Variants in FAM151B observed in about 807,000 individuals in gnomAD.
FAM151B encodes family with sequence similarity 151 member B.
FAM151B carries 24 observed loss-of-function variants against 31.2 expected under a neutral mutation model. That is an observed-to-expected ratio of 0.77 (90% CI 0.56 to 1.08). The LOEUF is 1.08. Among genes scored for constraint, FAM151B ranks in the 50% least tolerant of loss-of-function variants. FAM151B has a pLI of 0.00. For synonymous variants in FAM151B, 105 were observed against 111.4 expected, an observed-to-expected ratio of 0.94 and a Z score of 0.36; for missense variants, 293 against 328.6, an observed-to-expected ratio of 0.89 and a Z score of 0.84.
At chr5:80,536,511 A>G (rs552692509) in intron 5 of FAM151B, among the ~76,000 whole-genome samples, 1 of 152,182 alleles carries the variant, frequency 6.6e-6, no homozygotes, top group East Asian at 1.9e-4. Flanking sequence ...CTATACATAG[A>G]GCTATCATAT....
chr5:80,541,549 T>C (rs1745891771), intron 5 of FAM151B, 124 bp from the exon 6 acceptor site: 1 of 836,520 alleles, frequency 1.2e-6, no homozygotes, highest in Admixed American at 2.7e-5. Context: ...ACACCATTGC[T>C]GATTAATTTT....
intron 1 of FAM151B, among the ~76,000 whole-genome samples, chr5:80,495,722 CG>C (rs1743508253): frequency 6.7e-6 from 1 of 149,982 alleles, no homozygotes; most frequent in Admixed American, 6.7e-5. Flanking sequence ...CCCAGCCACT[CG>C]GGTGGCTGAG....
chr5:80,511,662 A>G lies in FAM151B; in HGVS notation c.152-1942A>G, dbSNP rs546258077. On this transcript the variant is annotated intron_variant, in intron 2 of 5. Coordinates refer to ENST00000282226, the MANE Select transcript of FAM151B (RefSeq NM_205548.3). ...TGCTCTGTTGGCCAGGCTGGAGTGCAGTGGCACAATCTCAGCTCACTGCAA... is the reference window on the plus strand; with the variant it reads ...TGCTCTGTTGGCCAGGCTGGAGTGCGGTGGCACAATCTCAGCTCACTGCAA... Among the ~76,000 whole-genome samples the G allele has an allele frequency of 2.0e-4, 30 of 152,228 alleles. 1 individual carries two copies. Among genetic ancestry groups the G allele is most frequent in the Admixed American group, 1.4e-3 (22 of 15,282 alleles).
At chr5:80,511,153 T>A (rs1318365518) in intron 2 of FAM151B, 1 of 151,990 alleles carries the variant, frequency 6.6e-6, no homozygotes, top group East Asian at 1.9e-4. Flanking sequence ...TCTGAATGTA[T>A]CCTCCAAGGA....
intron 5 of FAM151B, among the ~76,000 whole-genome samples, chr5:80,537,577 G>A (rs1405227247): frequency 1.3e-5 from 2 of 152,032 alleles, no homozygotes; most frequent in Non-Finnish European, 2.9e-5. Flanking sequence ...GGTAGACAAG[G>A]GATAAAAACT....
At chr5:80,533,221 C>A (rs1360757484) in intron 5 of FAM151B, among the ~76,000 whole-genome samples, 1 of 151,386 alleles carries the variant, frequency 6.6e-6, no homozygotes, top group Non-Finnish European at 1.5e-5. Flanking sequence ...ACTAAAAATA[C>A]AAAAAAATAG....
intron 3 of FAM151B, chr5:80,519,029 AG>A (rs977130011): frequency 1.3e-4 from 20 of 152,358 alleles, no homozygotes; most frequent in African/African-American, 4.6e-4. Context: ...GAATATCTGT[AG>A]GGAAGTAAAA....
intron 5 of FAM151B, among the ~76,000 whole-genome samples, chr5:80,538,513 T>TTCCTTCCTTCCTTCCTTCC: frequency 1.6e-5 from 1 of 61,532 alleles, no homozygotes; most frequent in Non-Finnish European, 3.2e-5. Context: ...CTTTTCTTTC[T>TTCCTTCCTTCCTTCCTTCC]TTCCTTCCTT....
intron 1 of FAM151B, among the ~76,000 whole-genome samples, chr5:80,494,586 A>T (rs1743461699): frequency 6.7e-6 from 1 of 150,036 alleles, no homozygotes; most frequent in South Asian, 2.1e-4. Flanking sequence ...GATCGTGGCT[A>T]ATTGCAGCCT....
chr5:80,494,426 T>A (rs1743425741), intron 1 of FAM151B, among the ~76,000 whole-genome samples: 1 of 152,018 alleles, frequency 6.6e-6, no homozygotes, highest in Non-Finnish European at 1.5e-5. Flanking sequence ...ATTTTCTTTC[T>A]TTCTGTCTTT....
At chr5:80,507,081 T>C (rs918614171) in intron 2 of FAM151B, among the ~76,000 whole-genome samples, 2 of 144,984 alleles carry the variant, frequency 1.4e-5, no homozygotes, top group South Asian at 4.3e-4. Context: ...ATCATGCCAC[T>C]GCACTCCAGC....
At chr5:80,513,053 T>C (rs1033879607) in intron 2 of FAM151B, among the ~76,000 whole-genome samples, 2 of 151,330 alleles carry the variant, frequency 1.3e-5, no homozygotes, top group East Asian at 2.0e-4. Context: ...CCTGGAGGAG[T>C]TGTTGGCAGC....
chr5:80,502,508 C>T (rs55862901), intron 2 of FAM151B, among the ~76,000 whole-genome samples: 4 of 152,066 alleles, frequency 2.6e-5, no homozygotes, highest in Admixed American at 2.6e-4. Flanking sequence ...ATATTTATGC[C>T]TAAGCTAGAA....
At chr5:80,529,886 A>G (rs1745148591) in intron 5 of FAM151B, among the ~76,000 whole-genome samples, 1 of 152,236 alleles carries the variant, frequency 6.6e-6, no homozygotes, top group African/African-American at 2.4e-5. Context: ...AACTCATTTT[A>G]TGAGGCCGGC....
intron 4 of FAM151B, 122 bp downstream of exon 4, chr5:80,520,032 C>A (rs1256325017): frequency 1.1e-6 from 1 of 878,232 alleles, no homozygotes; most frequent in Non-Finnish European, 1.7e-6. Context: ...GAAAAAAAGG[C>A]CTGACCCTTC....
chr5:80,492,942 A>G (rs909149615), intron 1 of FAM151B, among the ~76,000 whole-genome samples: 6 of 152,214 alleles, frequency 3.9e-5, no homozygotes, highest in African/African-American at 1.2e-4. Context: ...CAACAGAGTG[A>G]GACTTGTCTC....
Position 80,522,095 on chromosome 5 carries a change from C to A in FAM151B, c.628C>A (p.Gln210Lys), listed in dbSNP as rs757650115. Residue 210 changes from glutamine to lysine, a missense_variant, in exon 5 of 6, where the codon CAG becomes AAG. By Grantham distance (53) the Gln-to-Lys change is moderately conservative. Transcript: ENST00000282226. ...CCCTGTCAGAGCAGCATTAGTCAGGCAGTCTTGTTCTCAGTTACTTTGGCT... is the reference window on the plus strand; with the variant it reads ...CCCTGTCAGAGCAGCATTAGTCAGGAAGTCTTGTTCTCAGTTACTTTGGCT... ...TFPVRAALVR[Q>K]SCSQLLWLLK... 1.2e-6 allele frequency: 2 copies of A among 1,612,930 alleles called. No homozygotes were observed. The highest frequency in any genetic ancestry group is 1.7e-6 in the Non-Finnish European group (2 of 1,179,182).
intron 2 of FAM151B, among the ~76,000 whole-genome samples, chr5:80,509,645 A>G (rs756874354): frequency 3.3e-5 from 5 of 152,248 alleles, no homozygotes; most frequent in Non-Finnish European, 7.3e-5. Context: ...GAGGACAGGA[A>G]TAAGAAACAG....
At chr5:80,502,467 T>C (rs529317786) in intron 2 of FAM151B, among the ~76,000 whole-genome samples, 6 of 152,202 alleles carry the variant, frequency 3.9e-5, no homozygotes, top group African/African-American at 1.4e-4. Context: ...AGGCATTGTA[T>C]ACCAATTTAT....
Sources: allele counts gnomAD v4.1 joint callset (sites outside exome capture counted in the v4.1 genomes callset), GRCh38; gene constraint gnomAD v4.1.1; transcripts MANE v1.5; gene names NCBI Gene and HGNC (gene_info 2026-07-23, HGNC 2026-07-21).